XAGE5: variants seen among roughly 807,000 people sequenced by gnomAD.
XAGE5 encodes G antigen, family D, 5.
XAGE5 carries 13 observed loss-of-function variants against 13.1 expected under a neutral mutation model. That is an observed-to-expected ratio of 0.99 (90% CI 0.64 to 1.57). The LOEUF (loss-of-function observed/expected upper bound fraction) is 1.57. XAGE5 is among the 40% of genes most tolerant of loss of function. The pLI is 0.00. For missense variants in XAGE5, 86 were observed against 77.6 expected, an observed-to-expected ratio of 1.11 and a Z score of -0.41; for synonymous variants, 17 against 25.0, an observed-to-expected ratio of 0.68 and a Z score of 0.96.
rs781852096 is a variant in XAGE5 at position 52,812,535 on chromosome X, A to G, written c.-8-24A>G. Reference sequence around the variant, plus strand: ...GTGATCCATCCCCCTCAGCCTCCCAAAGTGCACACTATTCTGTTTGCAGAC... The same window carrying G: ...GTGATCCATCCCCCTCAGCCTCCCAGAGTGCACACTATTCTGTTTGCAGAC... On this transcript the variant is annotated intron_variant, in intron 2 of 5. Transcript: ENST00000375501. The G allele has an allele frequency of 3.3e-6, 4 of 1,196,516 alleles. No homozygotes were observed. In the Admixed American group the frequency reaches 8.7e-5, roughly 26 times the overall value.
chrX:52,815,616 T>A (rs1926891718), intron 5 of XAGE5, among the ~76,000 whole-genome samples: 1 of 112,939 alleles, frequency 8.9e-6, no homozygotes, highest in African/African-American at 3.2e-5. Context: ...TCTGGACAAA[T>A]CACATAAATC....
At chrX:52,818,056 C>T in intron 5 of XAGE5, 135 bp from the exon 6 acceptor site, 1 of 716,306 alleles carries the variant, frequency 1.4e-6, no homozygotes, top group Non-Finnish European at 2.1e-6. Context: ...TGAATATTAG[C>T]CGTAGGGAGA....
Position 52,818,188 on chromosome X carries a change from C to T in XAGE5, c.305-3C>T. The T allele has an allele frequency of 1.7e-6, 2 of 1,210,796 alleles. No homozygotes were observed. Among genetic ancestry groups the T allele is most frequent in the Non-Finnish European group, 2.2e-6 (2 of 894,761 alleles). On this transcript the variant is annotated splice_region_variant and splice_polypyrimidine_tract_variant and intron_variant, in intron 5 of 5. Transcript: ENST00000375501. ...GTTCCCTCCTGTTATGTTTCTATTG[C>T]AGGGGAAGGGAAACCACAGCTTTAA...
At chrX:52,816,056 G>A in intron 5 of XAGE5, among the ~76,000 whole-genome samples, 1 of 111,927 alleles carries the variant, frequency 8.9e-6, no homozygotes, top group East Asian at 2.8e-4. Context: ...CGATTCTCAT[G>A]CCTTAGCCTC....
intron 2 of XAGE5, 122 bp from the exon 3 acceptor site, chrX:52,812,437 T>C (rs1926816969): frequency 3.8e-6 from 2 of 528,486 alleles, no homozygotes; most frequent in Non-Finnish European, 6.2e-6. Flanking sequence ...CACACCCAGC[T>C]ACGTTTTTGT....
rs782152059 is a variant in XAGE5, at chrX:52,817,772, A to G, written c.305-419A>G. Among the ~76,000 whole-genome samples the G allele has an allele frequency of 4.5e-5, 5 of 111,767 alleles. No individual in the cohort carries two copies. In the East Asian group the frequency reaches 1.4e-3, roughly 31 times the overall value. On this transcript the variant is annotated intron_variant, in intron 5 of 5. Transcript: ENST00000375501. ...ATTCAGACCATACTCTCAAGCCAAA[A>G]CTTTAAATTATGCATTTTTTCTGGA...
In XAGE5 at chrX:52,813,121, A is replaced by C. The variant is rs782490479; in HGVS notation, c.73-19A>C. On this transcript the variant is annotated intron_variant, in intron 3 of 5. Coordinates refer to ENST00000375501, the MANE Select transcript of XAGE5 (RefSeq NM_001386970.1). ...TTTATCTCCACACACACACACCACC[A>C]CCCCCGCCCTTGTCCCAGGAGCCCA... 8.3e-6 allele frequency: 10 copies of C among 1,198,612 alleles called. No individual in the cohort carries two copies. Among genetic ancestry groups the C allele is most frequent in the South Asian group, 1.8e-5 (1 of 56,394 alleles).
At chrX:52,814,994 A>G in intron 4 of XAGE5, 98 bp from the exon 5 acceptor site, 3 of 1,010,133 alleles carry the variant, frequency 3.0e-6, no homozygotes, top group Non-Finnish European at 4.1e-6. Context: ...AGTAGCCTCT[A>G]GGCTTTTATT....
rs1382138796 is a variant in XAGE5 at position 52,812,639 on chromosome X, G to C, written c.72+1G>C. 1 of 1,208,617 alleles carries C rather than the reference G, an allele frequency of 8.3e-7. No individual in the cohort carries two copies. The highest frequency in any genetic ancestry group is 1.1e-6 in the Non-Finnish European group (1 of 894,550). ...TGCTCAGCTGGTTGGGCCTATGCTT[G>C]TGAGTGACTTCACATTCGATTTTTT... On this transcript the variant is annotated splice_donor_variant, in intron 3 of 5. Coordinates refer to ENST00000375501, the MANE Select transcript of XAGE5 (RefSeq NM_001386970.1). LOFTEE classifies it high-confidence loss of function.
In XAGE5 at chrX:52,815,311, T is replaced by C. The variant is rs1556777982; in HGVS notation, c.304+94T>C. 1.4e-5 allele frequency: 14 copies of C among 1,006,254 alleles called. No individual in the cohort carries two copies. The Middle Eastern group carries it at 9.8e-4, about 71-fold the overall frequency. The allele number at this position is 1,006,254 out of a possible 1,213,427, so 82.9% of individuals were successfully genotyped here. The stretch of plus-strand genomic sequence containing the variant: ...AAAGGAGAGAATATTACTGCCCCTT[T>C]AGAAATAGAGTTCAAATGCAGACTT... On this transcript the variant is annotated intron_variant, in intron 5 of 5. Coordinates refer to ENST00000375501, the MANE Select transcript of XAGE5 (RefSeq NM_001386970.1).
intron 2 of XAGE5, 193 bp from the exon 3 acceptor site, chrX:52,812,366 C>CG (rs1413167544): frequency 2.8e-6 from 1 of 358,433 alleles, no homozygotes; most frequent in African/African-American, 2.6e-5. Context: ...ATTCGCCCCC[C>CG]GGTTCAAGTG....
At chrX:52,813,989 C>G (rs782473602) in intron 4 of XAGE5, among the ~76,000 whole-genome samples, 2 of 111,143 alleles carry the variant, frequency 1.8e-5, no homozygotes, top group Non-Finnish European at 3.8e-5. Flanking sequence ...GGTGACACAG[C>G]GAGACTCCAT....
chrX:52,815,052 T>C, intron 4 of XAGE5, 40 bp from the exon 5 acceptor site: 1 of 1,206,590 alleles, frequency 8.3e-7, no homozygotes, highest in Non-Finnish European at 1.1e-6. Context: ...TTTATCATTC[T>C]GGTTTGGCTG....
chrX:52,813,215 G>A lies in XAGE5; in HGVS notation c.148G>A (p.Glu50Lys). The change falls in exon 4 of 6, where the codon GAA (glutamate) becomes AAA (lysine). Residue 50 changes from glutamate to lysine, a missense_variant. Transcript: ENST00000375501. ...SQDHTPGQKR[E>K]DDQGAAEIQV... is the part of the protein sequence containing the mutation. ...GGATCATACACCTGGTCAGAAGAGA[G>A]AAGATGATCAGGGTGCAGCTGAGAT... is the stretch of plus-strand genomic sequence containing the variant. 1 of 1,210,984 alleles carries A rather than the reference G, an allele frequency of 8.3e-7. No homozygotes were observed. The highest frequency in any genetic ancestry group is 1.1e-6 in the Non-Finnish European group (1 of 895,045).
chrX:52,813,214 A>G lies in XAGE5; in HGVS notation c.147A>G (p.Arg49=), dbSNP rs1453560173. ...ESQDHTPGQK[R]EDDQGAAEIQ... is the part of the protein sequence containing the mutation. Reference sequence around the variant, plus strand: ...AGGATCATACACCTGGTCAGAAGAGAGAAGATGATCAGGGTGCAGCTGAGA... The same window carrying G: ...AGGATCATACACCTGGTCAGAAGAGGGAAGATGATCAGGGTGCAGCTGAGA... The change falls in exon 4 of 6, where the codon AGA becomes AGG. Residue 49 remains arginine, a synonymous_variant. Coordinates refer to ENST00000375501, the MANE Select transcript of XAGE5 (RefSeq NM_001386970.1). The G allele has an allele frequency of 8.3e-7, 1 of 1,208,871 alleles. No individual in the cohort carries two copies. Among genetic ancestry groups the G allele is most frequent in the Non-Finnish European group, 1.1e-6 (1 of 894,769 alleles).
At chrX:52,815,357 C>A (rs1177424337) in intron 5 of XAGE5, 140 bp downstream of exon 5, 31 of 716,734 alleles carry the variant, frequency 4.3e-5, no homozygotes, top group Non-Finnish European at 5.6e-5. Context: ...GTAATTCAGA[C>A]CCCAGAAGCC....
intron 5 of XAGE5, among the ~76,000 whole-genome samples, chrX:52,817,076 A>G (rs1926918221): frequency 8.9e-6 from 1 of 112,045 alleles, no homozygotes; most frequent in South Asian, 3.7e-4. Flanking sequence ...AAAAATGGAA[A>G]AAGCACAACA....
chrX:52,815,238 A>C (rs199926642), intron 5 of XAGE5, 21 bp downstream of exon 5: 107 of 1,193,497 alleles, frequency 9.0e-5, no homozygotes, highest in African/African-American at 6.5e-4. Context: ...CATTAAGATT[A>C]AAAATTATGT....
Position 52,813,152 on chromosome X carries a change from C to G in XAGE5, c.85C>G (p.Pro29Ala). 7.4e-6 allele frequency: 9 copies of G among 1,210,177 alleles called. No homozygotes were observed. The highest frequency in any genetic ancestry group is 8.9e-6 in the Non-Finnish European group (8 of 894,743). ...LVGPMLEPSV[P>A]EPQQEEPPTE... ...GCCCTTGTCCCAGGAGCCCAGTGTG[C>G]CAGAGCCTCAACAAGAAGAACCACC... is the stretch of plus-strand genomic sequence containing the variant. Residue 29 changes from proline to alanine, a missense_variant, in exon 4 of 6, where the codon CCA becomes GCA. Physicochemically the swap from Pro to Ala is conservative, Grantham distance 27. Transcript: ENST00000375501.
Sources: allele counts gnomAD v4.1 joint callset (sites outside exome capture counted in the v4.1 genomes callset), GRCh38; gene constraint gnomAD v4.1.1; transcripts MANE v1.5; gene names NCBI Gene and HGNC (gene_info 2026-07-23, HGNC 2026-07-21).